Variants in ZNF609 observed in about 807,000 individuals in gnomAD.
The protein encoded by ZNF609 is zinc finger protein 609.
A neutral mutation model predicts 109.5 loss-of-function variants in ZNF609; 11 were observed. The ratio of observed to expected loss-of-function variants is 0.10; its 90% CI spans 0.06 to 0.17. The LOEUF (loss-of-function observed/expected upper bound fraction) is 0.17, where lower values mean the gene tolerates loss of function less well. ZNF609 is among the 10% of genes least tolerant of loss of function. ZNF609 has a pLI of 1.00. For synonymous variants in ZNF609, 646 were observed against 662.0 expected (o/e 0.98, Z 0.37); for missense variants, 1,559 against 1,772.4 (o/e 0.88, Z 2.16).
chr15:64,675,615 A>G lies in ZNF609; in HGVS notation c.2761A>G (p.Ser921Gly), dbSNP rs750944297. 5.0e-6 allele frequency: 8 copies of G among 1,614,120 alleles called. No individual in the cohort carries two copies. Among genetic ancestry groups the G allele is most frequent in the South Asian group, 4.4e-5 (4 of 91,082 alleles). ...LNPSSQAGVE[S>G]QALKTKRDEE... The stretch of plus-strand genomic sequence containing the variant: ...CCCCAGCAGCCAGGCAGGAGTGGAG[A>G]GCCAGGCCCTGAAGACAAAAAGGGA... Residue 921 changes from serine to glycine, a missense_variant, in exon 5 of 10, where the codon AGC becomes GGC. Around this residue, in one of 4 missense-constraint regions of ZNF609, gnomAD observed 1,204 missense variants for 1,314.1 expected, o/e 0.92. Transcript: ENST00000326648.
chr15:64,496,867 G>A (rs1461972563), intron 1 of ZNF609, among the ~76,000 whole-genome samples: 1 of 151,822 alleles, frequency 6.6e-6, no homozygotes, highest in African/African-American at 2.4e-5. Context: ...AGGCTGGAGT[G>A]AAGTGGCACA....
intron 2 of ZNF609, among the ~76,000 whole-genome samples, chr15:64,596,874 C>T (rs2140943861): frequency 6.6e-6 from 1 of 152,298 alleles, no homozygotes; most frequent in Non-Finnish European, 1.5e-5. Flanking sequence ...CCTTACACCT[C>T]TACTGACTGA....
chr15:64,490,551 G>T (rs1893399825), intron 1 of ZNF609, among the ~76,000 whole-genome samples: 1 of 152,148 alleles, frequency 6.6e-6, no homozygotes, highest in African/African-American at 2.4e-5. Context: ...TGGGATTACA[G>T]GCATGAGCCA....
chr15:64,673,800 T>C, intron 4 of ZNF609, 116 bp from the exon 5 acceptor site: 2 of 1,197,208 alleles, frequency 1.7e-6, no homozygotes, highest in Non-Finnish European at 2.3e-6. Context: ...TTTTAACAAA[T>C]CATATTCATT....
chr15:64,593,568 C>G (rs1482284020), intron 2 of ZNF609, among the ~76,000 whole-genome samples: 1 of 152,096 alleles, frequency 6.6e-6, no homozygotes, highest in African/African-American at 2.4e-5. Flanking sequence ...GTTCTCTCGC[C>G]CAGGCTGGAG....
At chr15:64,668,029 A>G (rs1266279627) in intron 3 of ZNF609, among the ~76,000 whole-genome samples, 1 of 152,196 alleles carries the variant, frequency 6.6e-6, no homozygotes, top group Non-Finnish European at 1.5e-5. Flanking sequence ...GTGATATCCT[A>G]AATTTCACTG....
In ZNF609 at chr15:64,676,019, C is replaced by G; in HGVS notation, c.3165C>G (p.Ser1055Arg). ...CACCAACTCTCACCAAGGCCCCCAGCCTGACAGACCTGGTGAAATCAGGAC... is the reference window on the plus strand; with the variant it reads ...CACCAACTCTCACCAAGGCCCCCAGGCTGACAGACCTGGTGAAATCAGGAC... ...SIPPTLTKAP[S>R]LTDLVKSGPG... The change falls in exon 5 of 10, where the codon AGC becomes AGG. Residue 1055 changes from serine to arginine, a missense_variant. By Grantham distance (110) the Ser-to-Arg change is moderately radical (BLOSUM62 -1). Transcript: ENST00000326648. 1 of 1,614,244 alleles carries G rather than the reference C, an allele frequency of 6.2e-7. No individual in the cohort carries two copies. The highest frequency in any genetic ancestry group is 8.5e-7 in the Non-Finnish European group (1 of 1,180,044).
intron 2 of ZNF609, among the ~76,000 whole-genome samples, chr15:64,516,502 T>C (rs1893812782): frequency 6.6e-6 from 1 of 152,110 alleles, no homozygotes; most frequent in Admixed American, 6.5e-5. Flanking sequence ...GCCTCCCAAG[T>C]AGTTGGGATG....
chr15:64,508,483 G>GT (rs757797737), intron 2 of ZNF609, among the ~76,000 whole-genome samples: 3 of 152,130 alleles, frequency 2.0e-5, no homozygotes, highest in Non-Finnish European at 4.4e-5. Flanking sequence ...TAAACCCTAA[G>GT]TGTCTGTCTT....
At chr15:64,463,973 C>G (rs910427860) in intron 1 of ZNF609, among the ~76,000 whole-genome samples, 4 of 152,090 alleles carry the variant, frequency 2.6e-5, no homozygotes, top group Admixed American at 2.6e-4. Flanking sequence ...GCCCTTGCCA[C>G]AAGGAATCTC....
intron 2 of ZNF609, among the ~76,000 whole-genome samples, chr15:64,514,894 C>T (rs1893784470): frequency 6.6e-6 from 1 of 152,148 alleles, no homozygotes; most frequent in Admixed American, 6.5e-5. Context: ...GCCTTAGCCT[C>T]CCAAAGTGCT....
intron 3 of ZNF609, among the ~76,000 whole-genome samples, chr15:64,630,128 C>T (rs1485124167): frequency 2.9e-5 from 4 of 136,622 alleles, no homozygotes; most frequent in Admixed American, 7.6e-5. Flanking sequence ...GACAAAGTCT[C>T]GCTCTGTTGC....
chr15:64,636,909 A>C (rs1387094991), intron 3 of ZNF609, among the ~76,000 whole-genome samples: 1 of 152,220 alleles, frequency 6.6e-6, no homozygotes, highest in Non-Finnish European at 1.5e-5. Flanking sequence ...TTATATTAAT[A>C]AGTCTTACTG....
chr15:64,520,496 C>T (rs749764092), intron 2 of ZNF609, among the ~76,000 whole-genome samples: 2 of 152,024 alleles, frequency 1.3e-5, no homozygotes, highest in Non-Finnish European at 2.9e-5. Flanking sequence ...ATGTTGTTTC[C>T]GTAGAAAGTA....
chr15:64,530,499 C>T (rs1894043968), intron 2 of ZNF609, among the ~76,000 whole-genome samples: 1 of 152,172 alleles, frequency 6.6e-6, no homozygotes, highest in African/African-American at 2.4e-5. Context: ...ATTTGCTAAT[C>T]ACTGTGCTAA....
At chr15:64,618,273 G>A (rs886694795) in intron 2 of ZNF609, among the ~76,000 whole-genome samples, 5 of 152,216 alleles carry the variant, frequency 3.3e-5, no homozygotes, top group African/African-American at 1.2e-4. Context: ...CTCACAGGGC[G>A]TGCAATGGGA....
chr15:64,565,291 G>C (rs1894759649), intron 2 of ZNF609, among the ~76,000 whole-genome samples: 1 of 146,318 alleles, frequency 6.8e-6, no homozygotes, highest in Non-Finnish European at 1.5e-5. Context: ...ATGTTGGCCA[G>C]GCTGGTCTTG....
At chr15:64,650,955 GC>G (rs1399840156) in intron 3 of ZNF609, among the ~76,000 whole-genome samples, 1 of 152,068 alleles carries the variant, frequency 6.6e-6, no homozygotes, top group Non-Finnish European at 1.5e-5. Context: ...TTTGTTACTG[GC>G]CCGGCAGAGC....
chr15:64,529,119 G>T, intron 2 of ZNF609: 2 of 781,618 alleles, frequency 2.6e-6, no homozygotes, highest in South Asian at 1.4e-5. Flanking sequence ...TTATAGTCTG[G>T]GTGGCAGTGA....
Sources: allele counts gnomAD v4.1 joint callset (sites outside exome capture counted in the v4.1 genomes callset), GRCh38; gene constraint gnomAD v4.1.1; regional missense constraint gnomAD v4.1.1; transcripts MANE v1.5; gene names NCBI Gene and HGNC (gene_info 2026-07-23, HGNC 2026-07-21).